The following ORC4 variants were observed in gnomAD, a reference collection of about 807,000 sequenced individuals.
The protein encoded by ORC4 is origin recognition complex subunit 4.
ORC4 carries 55 observed loss-of-function variants against 63.9 expected under a neutral mutation model. That is an observed-to-expected ratio of 0.86 (90% CI 0.69 to 1.08). The LOEUF is 1.08. Ranked by LOEUF, ORC4 falls within the 50% of genes least tolerant of loss-of-function variation. ORC4 has a pLI of 0.00. For synonymous variants in ORC4, 150 were observed against 168.5 expected, an observed-to-expected ratio of 0.89 and a Z score of 0.85; for missense variants, 511 against 504.4, an observed-to-expected ratio of 1.01 and a Z score of -0.13.
intron 4 of ORC4, chr2:147,960,261 T>C (rs1689514238): frequency 1.0e-6 from 1 of 985,238 alleles, no homozygotes; most frequent in Admixed American, 6.2e-5. Context: ...CAACTTATGC[T>C]TTGCTTGGAT....
intron 4 of ORC4, among the ~76,000 whole-genome samples, chr2:147,970,828 T>C (rs996056333): frequency 1.3e-5 from 2 of 151,914 alleles, no homozygotes; most frequent in African/African-American, 4.8e-5. Flanking sequence ...AACTGACAAA[T>C]TAGATTATTA....
At chr2:147,938,570 C>A (rs906900721) in intron 11 of ORC4, 177 bp from the exon 12 acceptor site, 5 of 567,296 alleles carry the variant, frequency 8.8e-6, no homozygotes, top group Non-Finnish European at 1.6e-5. Flanking sequence ...ACTTAACCTC[C>A]CTGAGCTTAG....
At chr2:147,981,580 A>C (rs1690893537) in intron 1 of ORC4, among the ~76,000 whole-genome samples, 2 of 152,178 alleles carry the variant, frequency 1.3e-5, no homozygotes, top group Non-Finnish European at 2.9e-5. Context: ...TTCTTACTAC[A>C]AAAAAATGGT....
intron 4 of ORC4, among the ~76,000 whole-genome samples, chr2:147,966,018 C>T (rs1689872347): frequency 6.6e-6 from 1 of 151,750 alleles, no homozygotes. Context: ...CCAGCCTGGG[C>T]AAAATAGGGA....
intron 2 of ORC4, among the ~76,000 whole-genome samples, chr2:147,973,886 AG>A (rs1398678042): frequency 6.6e-6 from 1 of 152,236 alleles, no homozygotes; most frequent in Non-Finnish European, 1.5e-5. Context: ...CTAAGGCCTT[AG>A]ACTTAGTCAT....
chr2:147,970,201 TTAAA>T (rs1690133002), intron 4 of ORC4, among the ~76,000 whole-genome samples: 1 of 152,158 alleles, frequency 6.6e-6, no homozygotes, highest in Non-Finnish European at 1.5e-5. Flanking sequence ...GACAAAAGTC[TTAAA>T]TAAATAGATA....
chr2:148,003,829 G>T (rs1281904236), intron 1 of ORC4, among the ~76,000 whole-genome samples: 1 of 152,186 alleles, frequency 6.6e-6, no homozygotes, highest in Non-Finnish European at 1.5e-5. Flanking sequence ...TTGTCTGTTT[G>T]CAGATGACAT....
At position 147,935,450 on chromosome 2, in the gene ORC4, A is replaced by G; in HGVS notation, c.*60T>C. On this transcript the variant is annotated 3_prime_UTR_variant, in exon 14 of 14. Coordinates refer to ENST00000392857, the MANE Select transcript of ORC4 (RefSeq NM_181741.4). ...TTAGCATATCATGTTAATGGACAAT[A>G]GTTTTCCGTTCTCTACAGAAGTATG... 6 of 1,232,662 alleles carry G rather than the reference A, an allele frequency of 4.9e-6. No individual in the cohort carries two copies. Among genetic ancestry groups the G allele is most frequent in the South Asian group, 3.6e-5 (3 of 82,730 alleles). The allele number at this position is 1,232,662 out of a possible 1,614,324, so 76.4% of individuals were successfully genotyped here. A position where few individuals can be genotyped will look rare whatever the true frequency, so the allele number is the denominator to read the frequency against.
chr2:147,976,907 A>G (rs1476400768), intron 1 of ORC4, among the ~76,000 whole-genome samples: 11 of 147,998 alleles, frequency 7.4e-5, no homozygotes, highest in Non-Finnish European at 1.7e-4. Context: ...TATTTTTTGT[A>G]AAATTCTCCT....
chr2:148,011,579 C>G (rs1053548871), intron 1 of ORC4, among the ~76,000 whole-genome samples: 3 of 152,136 alleles, frequency 2.0e-5, no homozygotes, highest in Non-Finnish European at 2.9e-5. Flanking sequence ...TGGGCACTTT[C>G]ACCACTATTA....
intron 1 of ORC4, among the ~76,000 whole-genome samples, chr2:148,008,760 G>A (rs2105456748): frequency 6.6e-6 from 1 of 152,296 alleles, no homozygotes; most frequent in South Asian, 2.1e-4. Context: ...CAGAGCAGCA[G>A]GGGCCACATA....
chr2:147,944,469 A>C (rs1205959438), intron 9 of ORC4, among the ~76,000 whole-genome samples: 2 of 152,042 alleles, frequency 1.3e-5, no homozygotes. Context: ...ATTTGAGAAG[A>C]GGCTAATGGC....
At chr2:147,937,901 AG>A (rs1307463810) in intron 13 of ORC4, 2 of 556,886 alleles carry the variant, frequency 3.6e-6, no homozygotes, top group East Asian at 6.3e-5. Context: ...TATACTGAAT[AG>A]TTGTTTTCGG....
chr2:148,014,885 G>A (rs1328837316), intron 1 of ORC4, among the ~76,000 whole-genome samples: 1 of 152,012 alleles, frequency 6.6e-6, no homozygotes, highest in Non-Finnish European at 1.5e-5. Context: ...TATCTGCACG[G>A]GGTTCTGAAA....
chr2:147,992,942 TAA>T (rs1691712859), intron 1 of ORC4, among the ~76,000 whole-genome samples: 1 of 152,186 alleles, frequency 6.6e-6, no homozygotes, highest in Non-Finnish European at 1.5e-5. Context: ...AAACTAACTA[TAA>T]AGACATATCT....
intron 3 of ORC4, 52 bp from the exon 4 acceptor site, chr2:147,972,881 G>T: frequency 8.2e-7 from 1 of 1,217,148 alleles, no homozygotes; most frequent in Non-Finnish European, 1.2e-6. Flanking sequence ...GGAATACTTT[G>T]TTATGTTGTA....
intron 11 of ORC4, chr2:147,938,696 ATTG>A (rs1688197497): frequency 2.8e-6 from 1 of 362,174 alleles, no homozygotes; most frequent in Non-Finnish European, 5.1e-6. Context: ...ATAAACTTCA[ATTG>A]TTATGTGACT....
chr2:147,939,517 A>G (rs1688247459), intron 10 of ORC4, among the ~76,000 whole-genome samples: 1 of 152,080 alleles, frequency 6.6e-6, no homozygotes, highest in Non-Finnish European at 1.5e-5. Flanking sequence ...TGGAAGAACA[A>G]TGTTTAAAGA....
chr2:147,950,080 T>A (rs1407289935), intron 8 of ORC4, among the ~76,000 whole-genome samples: 1 of 152,120 alleles, frequency 6.6e-6, no homozygotes, highest in South Asian at 2.1e-4. Flanking sequence ...AAATTTTGAA[T>A]GTTTTTATGA....
Sources: gnomAD v4.1 joint callset for allele counts (sites outside exome capture counted in the v4.1 genomes callset) on GRCh38, gnomAD v4.1.1 for gene constraint, MANE v1.5 for transcripts, NCBI Gene and HGNC (gene_info 2026-07-23, HGNC 2026-07-21) for gene names.